Variants in ANGPT1 observed in about 807,000 individuals in gnomAD.
The protein encoded by ANGPT1 is angiopoietin 1.
A neutral mutation model predicts 62.2 loss-of-function variants in ANGPT1; 17 were observed. The ratio of observed to expected loss-of-function variants is 0.27; its 90% CI spans 0.19 to 0.41. ANGPT1 has a LOEUF of 0.41. Ranked by LOEUF, ANGPT1 falls within the 10% of genes least tolerant of loss-of-function variation. The pLI is 1.00. For missense variants in ANGPT1, 478 were observed against 594.9 expected, an observed-to-expected ratio of 0.80 and a Z score of 2.04; for synonymous variants, 199 against 198.9, an observed-to-expected ratio of 1.00 and a Z score of 0.00.
chr8:107,483,025 T>G (rs1432180226), intron 1 of ANGPT1, among the ~76,000 whole-genome samples: 1 of 152,142 alleles, frequency 6.6e-6, no homozygotes, highest in East Asian at 1.9e-4. Flanking sequence ...ATTTGAAACA[T>G]TAAAAAAAAA....
intron 1 of ANGPT1, among the ~76,000 whole-genome samples, chr8:107,384,426 T>A (rs957042665): frequency 6.8e-6 from 1 of 147,714 alleles, no homozygotes; most frequent in Non-Finnish European, 1.5e-5. Flanking sequence ...ATATTACATG[T>A]ATATGTATTA....
chr8:107,293,197 G>GTGATGATGATGATGA (rs5893837), intron 6 of ANGPT1, among the ~76,000 whole-genome samples: 17 of 148,778 alleles, frequency 1.1e-4, no homozygotes, highest in Non-Finnish European at 1.9e-4. Context: ...GAGAAGAACT[G>GTGATGATGATGATGA]TGATGATGAT....
chr8:107,372,222 C>T (rs998497000), intron 1 of ANGPT1, among the ~76,000 whole-genome samples: 1 of 152,024 alleles, frequency 6.6e-6, no homozygotes, highest in Non-Finnish European at 1.5e-5. Flanking sequence ...ACCAGTAGTG[C>T]CTCCCAGCTG....
At chr8:107,449,021 T>G (rs1473925196) in intron 1 of ANGPT1, among the ~76,000 whole-genome samples, 1 of 152,082 alleles carries the variant, frequency 6.6e-6, no homozygotes, top group African/African-American at 2.4e-5. Context: ...GAGATATCAG[T>G]GCTCTACATG....
In ANGPT1 at chr8:107,264,304, A is replaced by G. The variant is rs2130036972; in HGVS notation, c.1253T>C (p.Leu418Pro). 6.2e-7 allele frequency: 1 copy of G among 1,614,062 alleles called. No individual in the cohort carries two copies. Among genetic ancestry groups the G allele is most frequent in the South Asian group, 1.1e-5 (1 of 91,068 alleles). The change falls in exon 8 of 9, where the codon CTG (leucine) becomes CCG (proline). Residue 418 changes from leucine (L) to proline (P), a missense_variant. Around this residue, in one of 4 missense-constraint regions of ANGPT1, gnomAD observed 19 missense variants for 72.9 expected, o/e 0.26. Transcript: ENST00000517746. ...GCTGAAATCAGCACCGTGTAAGATC[A>G]GGCTGCTCTGTTTTCCTGCTGTCCC... is the stretch of plus-strand genomic sequence containing the variant. Reference protein sequence around the residue: ...HTGTAGKQSSLILHGADFSTK... With the variant: ...HTGTAGKQSSPILHGADFSTK...
rs1219475941 is a variant in ANGPT1, at chr8:107,250,447, T to A, written c.*1408A>T. 1 of 151,920 alleles carries A rather than the reference T, an allele frequency of 6.6e-6. No homozygotes were observed. Among genetic ancestry groups the A allele is most frequent in the Non-Finnish European group, 1.5e-5 (1 of 67,980 alleles). 9.4% of individuals were successfully genotyped at this position (151,920 alleles called of 1,614,324 possible). On this transcript the variant is annotated 3_prime_UTR_variant, in exon 9 of 9. Coordinates refer to ENST00000517746, the MANE Select transcript of ANGPT1 (RefSeq NM_001146.5). Reference sequence around the variant, plus strand: ...ATTTTCTTTTTGTATATATTTCCCTTACATATAATAGTTTTGCCAATTTTT... The same window carrying A: ...ATTTTCTTTTTGTATATATTTCCCTAACATATAATAGTTTTGCCAATTTTT...
At chr8:107,257,926 T>TTCTCTCTC (rs142506893) in intron 8 of ANGPT1, among the ~76,000 whole-genome samples, 116 of 122,004 alleles carry the variant, frequency 9.5e-4, no homozygotes, top group African/African-American at 3.3e-3. Flanking sequence ...TGTTCTTTCT[T>TTCTCTCTC]TCTCTCTCTC....
intron 7 of ANGPT1, among the ~76,000 whole-genome samples, chr8:107,269,087 T>A (rs1168875527): frequency 1.3e-5 from 2 of 152,040 alleles, no homozygotes; most frequent in African/African-American, 4.8e-5. Context: ...ACTTTGCACA[T>A]GAGGACAACT....
chr8:107,429,163 T>G (rs1811113363), intron 1 of ANGPT1, among the ~76,000 whole-genome samples: 1 of 152,146 alleles, frequency 6.6e-6, no homozygotes, highest in Non-Finnish European at 1.5e-5. Flanking sequence ...AATTAATAGG[T>G]GCTTATATGT....
intron 5 of ANGPT1, among the ~76,000 whole-genome samples, chr8:107,298,603 G>A (rs1479176070): frequency 6.6e-6 from 1 of 151,696 alleles, no homozygotes; most frequent in Non-Finnish European, 1.5e-5. Context: ...TTCCACATTT[G>A]AAAAGATAAC....
intron 1 of ANGPT1, among the ~76,000 whole-genome samples, chr8:107,421,968 T>G (rs559429026): frequency 1.3e-5 from 2 of 152,300 alleles, no homozygotes; most frequent in South Asian, 4.1e-4. Context: ...TGTGAACCAC[T>G]GCTATAGAAT....
chr8:107,382,553 A>T (rs180705626), intron 1 of ANGPT1, among the ~76,000 whole-genome samples: 1 of 151,940 alleles, frequency 6.6e-6, no homozygotes, highest in Non-Finnish European at 1.5e-5. Context: ...AAAAGTCCCT[A>T]TTTATAGCAT....
intron 1 of ANGPT1, among the ~76,000 whole-genome samples, chr8:107,494,256 C>T (rs1197194639): frequency 6.6e-6 from 1 of 152,040 alleles, no homozygotes; most frequent in Non-Finnish European, 1.5e-5. Context: ...ATGTGGGAGA[C>T]AGAAAACAAT....
chr8:107,424,154 T>C (rs1012029567), intron 1 of ANGPT1, among the ~76,000 whole-genome samples: 3 of 72,626 alleles, frequency 4.1e-5, no homozygotes, highest in East Asian at 8.2e-4. Flanking sequence ...TTTCCTCTTA[T>C]TAAGTTAAAA....
chr8:107,390,747 T>C (rs1434560101), intron 1 of ANGPT1, among the ~76,000 whole-genome samples: 2 of 152,130 alleles, frequency 1.3e-5, no homozygotes, highest in Non-Finnish European at 2.9e-5. Context: ...TTAGAACAAC[T>C]CTTTGAGGTA....
At chr8:107,424,240 T>G (rs1176435928) in intron 1 of ANGPT1, among the ~76,000 whole-genome samples, 2 of 152,132 alleles carry the variant, frequency 1.3e-5, no homozygotes. Context: ...ATGCTAAATC[T>G]GAATCAAGTC....
intron 1 of ANGPT1, among the ~76,000 whole-genome samples, chr8:107,463,511 C>G (rs116704048): frequency 6.6e-6 from 1 of 152,082 alleles, no homozygotes; most frequent in Non-Finnish European, 1.5e-5. Flanking sequence ...TCCAGTTCAT[C>G]TAGGATCAAC....
chr8:107,295,706 G>C (rs1814396523), intron 5 of ANGPT1, among the ~76,000 whole-genome samples: 1 of 152,152 alleles, frequency 6.6e-6, no homozygotes, highest in African/African-American at 2.4e-5. Flanking sequence ...AATGATCGTA[G>C]TTTTGGACAC....
At position 107,403,871 on chromosome 8, in the gene ANGPT1, T is replaced by C. The variant is rs151244293; in HGVS notation, c.298-56774A>G. Among the ~76,000 whole-genome samples the C allele has an allele frequency of 2.0e-4, 31 of 152,264 alleles. No homozygotes were observed. The East Asian group carries it at 6.0e-3, about 29-fold the overall frequency. On this transcript the variant is annotated intron_variant, in intron 1 of 8. Coordinates refer to ENST00000517746, the MANE Select transcript of ANGPT1 (RefSeq NM_001146.5). Reference sequence around the variant, plus strand: ...AACAAGATATTTTTATCAAAATTTGTTTTGCATTACTGTCATGAAGAAATG... The same window carrying C: ...AACAAGATATTTTTATCAAAATTTGCTTTGCATTACTGTCATGAAGAAATG...
Sources: allele counts gnomAD v4.1 joint callset (sites outside exome capture counted in the v4.1 genomes callset), GRCh38; gene constraint gnomAD v4.1.1; regional missense constraint gnomAD v4.1.1; transcripts MANE v1.5; gene names NCBI Gene and HGNC (gene_info 2026-07-23, HGNC 2026-07-21).